BICD1: variants seen among roughly 807,000 people sequenced by gnomAD.
BICD1 encodes the protein BICD cargo adaptor 1, also known as protein bicaudal D homolog 1.
In BICD1, 35 loss-of-function variants were observed where a neutral mutation model predicts 92.5. That is an observed-to-expected ratio of 0.38 (90% CI 0.29 to 0.50). The LOEUF is 0.50. Ranked by LOEUF, BICD1 falls within the 20% of genes least tolerant of loss-of-function variation. The probability of loss-of-function intolerance (pLI) is 0.93; values close to 1 mark genes in which losing one functional copy is unlikely to be tolerated. For missense variants in BICD1, 950 were observed against 1,189.8 expected, an observed-to-expected ratio of 0.80 and a Z score of 2.97; for synonymous variants, 429 against 465.1, an observed-to-expected ratio of 0.92 and a Z score of 1.00.
intron 1 of BICD1, among the ~76,000 whole-genome samples, chr12:32,156,042 G>T (rs979153784): frequency 2.0e-5 from 3 of 152,200 alleles, no homozygotes; most frequent in Non-Finnish European, 4.4e-5. Flanking sequence ...AAATAGCCCT[G>T]CTGTTGCTGC....
rs183368792 is a variant in BICD1, at chr12:32,206,818, T to C, written c.214-9429T>C. ...TTTATAACAATGAAAACTACATTGA[T>C]GTAGCTGCAGTTTATCTACTACATT... On this transcript the variant is annotated intron_variant, in intron 1 of 9. Coordinates refer to ENST00000652176, the MANE Select transcript of BICD1 (RefSeq NM_001714.4). 5.9e-5 allele frequency among the ~76,000 whole-genome samples: 9 copies of C among 152,308 alleles called. No individual in the cohort carries two copies. In the East Asian group the frequency reaches 1.7e-3, roughly 29 times the overall value.
chr12:32,200,664 T>TA (rs1272074459), intron 1 of BICD1, among the ~76,000 whole-genome samples: 18 of 152,326 alleles, frequency 1.2e-4, no homozygotes, highest in Admixed American at 1.2e-3. Context: ...ATAATGATTG[T>TA]ACTGAACCTT....
intron 1 of BICD1, chr12:32,108,434 A>G: frequency 2.4e-6 from 1 of 411,216 alleles, no homozygotes; most frequent in Non-Finnish European, 4.4e-6. Flanking sequence ...GTCACTCTTA[A>G]GAACATACAT....
intron 9 of BICD1, among the ~76,000 whole-genome samples, chr12:32,376,296 C>T (rs1592735743): frequency 6.6e-6 from 1 of 151,868 alleles, no homozygotes; most frequent in Non-Finnish European, 1.5e-5. Context: ...ACCATGTTGG[C>T]CAGGATGGTC....
rs200712359 is a variant in BICD1, at chr12:32,328,402, G to A, written c.1947G>A (p.Leu649=). 2 of 1,614,218 alleles carry A rather than the reference G, an allele frequency of 1.2e-6. No individual in the cohort carries two copies. Among genetic ancestry groups the A allele is most frequent in the East Asian group, 4.5e-5 (2 of 44,886 alleles). ...AAGCTGTGGACCGGTCCTTGCAACTGTCTCGTCAAAGAGCAGCGGCTCGGG... is the reference window on the plus strand; with the variant it reads ...AAGCTGTGGACCGGTCCTTGCAACTATCTCGTCAAAGAGCAGCGGCTCGGG... ...LQKAVDRSLQ[L]SRQRAAAREL... is the part of the protein sequence containing the mutation. Residue 649 remains leucine, a synonymous_variant, in exon 5 of 10, where the codon CTG becomes CTA. Coordinates refer to ENST00000652176, the MANE Select transcript of BICD1 (RefSeq NM_001714.4). The surrounding 1 kb of genome is among the most constrained non-coding windows in gnomAD (Gnocchi z 4.4).
In BICD1 at chr12:32,311,357, G is replaced by A. The variant is rs150145630; in HGVS notation, c.1005+5235G>A. On this transcript the variant is annotated intron_variant, in intron 4 of 9. Transcript: ENST00000652176. The stretch of plus-strand genomic sequence containing the variant: ...CTAAAAAAAATACAAAAATTAGCTG[G>A]GCATGGTGATGCATGCCTGTAGTCC... Among the ~76,000 whole-genome samples the A allele has an allele frequency of 4.9e-3, 751 of 152,148 alleles. 8 individuals are homozygous for A. Among genetic ancestry groups the A allele is most frequent in the African/African-American group, 0.017 (721 of 41,512 alleles).
At chr12:32,168,485 G>A (rs767697743) in intron 1 of BICD1, among the ~76,000 whole-genome samples, 7 of 150,828 alleles carry the variant, frequency 4.6e-5, no homozygotes, top group Non-Finnish European at 1.0e-4. Context: ...GGAGGGTGGG[G>A]TTGGGTGTCC....
At chr12:32,256,573 GT>G (rs947242247) in intron 2 of BICD1, among the ~76,000 whole-genome samples, 3 of 152,110 alleles carry the variant, frequency 2.0e-5, no homozygotes, top group African/African-American at 7.2e-5. Flanking sequence ...ATAAAGAAAA[GT>G]TTTTTTATTT....
At chr12:32,325,374 T>C (rs1200919133) in intron 4 of BICD1, among the ~76,000 whole-genome samples, 1 of 152,206 alleles carries the variant, frequency 6.6e-6, no homozygotes, top group African/African-American at 2.4e-5. Flanking sequence ...CATGATGTTA[T>C]GTAGTGATTT....
At chr12:32,174,336 A>C (rs1944033357) in intron 1 of BICD1, among the ~76,000 whole-genome samples, 2 of 152,018 alleles carry the variant, frequency 1.3e-5, no homozygotes, top group Non-Finnish European at 2.9e-5. Flanking sequence ...TGTATTTTTC[A>C]GTTAAAGTGT....
intron 1 of BICD1, among the ~76,000 whole-genome samples, chr12:32,173,302 G>A (rs969883012): frequency 2.0e-5 from 3 of 152,132 alleles, no homozygotes; most frequent in African/African-American, 7.2e-5. Context: ...CGCCCGCCTC[G>A]GCCTCCCAAA....
At chr12:32,208,230 C>T (rs549228831) in intron 1 of BICD1, among the ~76,000 whole-genome samples, 2 of 152,336 alleles carry the variant, frequency 1.3e-5, no homozygotes, top group Admixed American at 1.3e-4. Context: ...AACCCAGATG[C>T]ATTTGCATTA....
At chr12:32,241,088 T>C (rs1018654679) in intron 2 of BICD1, among the ~76,000 whole-genome samples, 11 of 152,184 alleles carry the variant, frequency 7.2e-5, no homozygotes, top group Non-Finnish European at 1.5e-4. Context: ...AAGCTTCAGA[T>C]TGAGAGAAAC....
chr12:32,186,409 G>A (rs1039570799), intron 1 of BICD1, among the ~76,000 whole-genome samples: 85 of 152,224 alleles, frequency 5.6e-4, no homozygotes, highest in African/African-American at 2.0e-3. Context: ...CACCGTATTG[G>A]ACCACAGAAC....
At chr12:32,201,069 C>T (rs1944893478) in intron 1 of BICD1, among the ~76,000 whole-genome samples, 1 of 152,186 alleles carries the variant, frequency 6.6e-6, no homozygotes, top group Admixed American at 6.5e-5. Flanking sequence ...AATCGTCCCT[C>T]ATTACTTCCA....
At chr12:32,263,758 G>A (rs1946920095) in intron 2 of BICD1, among the ~76,000 whole-genome samples, 1 of 152,074 alleles carries the variant, frequency 6.6e-6, no homozygotes, top group Non-Finnish European at 1.5e-5. Flanking sequence ...TATTATGGAT[G>A]TTTTCAAATA....
At chr12:32,148,604 T>C (rs1176416127) in intron 1 of BICD1, among the ~76,000 whole-genome samples, 2 of 152,148 alleles carry the variant, frequency 1.3e-5, no homozygotes, top group East Asian at 1.9e-4. Context: ...CAAGTTATGC[T>C]CCCTTTTAAG....
intron 8 of BICD1, among the ~76,000 whole-genome samples, chr12:32,361,582 GA>G (rs1939329522): frequency 6.6e-6 from 1 of 150,764 alleles, no homozygotes; most frequent in Non-Finnish European, 1.5e-5. Context: ...AGAAAGATAA[GA>G]AAAAAAGGAA....
intron 2 of BICD1, among the ~76,000 whole-genome samples, chr12:32,242,331 G>T (rs1233496352): frequency 1.3e-5 from 2 of 150,512 alleles, no homozygotes; most frequent in Non-Finnish European, 2.9e-5. Flanking sequence ...TTCGAGACCA[G>T]CCTGGTCAAC....
Sources: gnomAD v4.1 joint callset for allele counts (sites outside exome capture counted in the v4.1 genomes callset) on GRCh38, gnomAD v4.1.1 for gene constraint, Gnocchi (gnomAD v3.1) non-coding constraint, MANE v1.5 for transcripts, NCBI Gene and HGNC (gene_info 2026-07-23, HGNC 2026-07-21) for gene names.